The following ESPL1 variants were observed in gnomAD, a reference collection of about 807,000 sequenced individuals.
The protein encoded by ESPL1 is extra spindle pole bodies like 1, separase.
ESPL1 carries 50 observed loss-of-function variants against 217.2 expected under a neutral mutation model. That is an observed-to-expected ratio of 0.23 (90% confidence interval 0.18 to 0.29). The LOEUF is 0.29. Among genes scored for constraint, ESPL1 ranks in the 10% least tolerant of loss-of-function variants. ESPL1 has a pLI of 1.00. For synonymous variants in ESPL1, 994 were observed against 1,081.3 expected, an observed-to-expected ratio of 0.92 and a Z score of 1.58; for missense variants, 1,834 against 2,603.0, an observed-to-expected ratio of 0.70 and a Z score of 6.43.
At chr12:53,289,714 AC>A in intron 22 of ESPL1, 120 bp downstream of exon 22, 2 of 799,924 alleles carry the variant, frequency 2.5e-6, no homozygotes, top group Non-Finnish European at 3.9e-6. Context: ...CTTATGTCAT[AC>A]CTTTTCACCT....
chr12:53,285,695 A>G (rs1047281944), intron 17 of ESPL1, among the ~76,000 whole-genome samples: 2 of 151,570 alleles, frequency 1.3e-5, no homozygotes, highest in African/African-American at 2.4e-5. Flanking sequence ...GGCGACAGAG[A>G]GAGACTCCAT....
At position 53,269,757 on chromosome 12, in the gene ESPL1, T is replaced by C. The variant is rs1452802327; in HGVS notation, c.815T>C (p.Ile272Thr). Residue 272 changes from isoleucine to threonine, a missense_variant, in exon 3 of 31, where the codon ATC (isoleucine) becomes ACC (threonine). Around this residue, in one of 5 missense-constraint regions of ESPL1, gnomAD observed 746 missense variants for 1,077.0 expected, o/e 0.69. Transcript: ENST00000257934. This position sits in a 1 kb window ranked among gnomAD's most constrained non-coding sequence, Gnocchi z 6.7. ...TGGAGCCGCCACCATGACAAAGCCA[T>C]CAGCGCAGTGGAGAAGGCTCACAGT... ...FCWSRHHDKA[I>T]SAVEKAHSYL... The C allele has an allele frequency of 3.1e-6, 5 of 1,614,124 alleles. No homozygotes were observed.
chr12:53,269,888 A>C lies in ESPL1; in HGVS notation c.946A>C (p.Ile316Leu). 1 of 1,614,138 alleles carries C rather than the reference A, an allele frequency of 6.2e-7. No individual in the cohort carries two copies. Among genetic ancestry groups the C allele is most frequent in the East Asian group, 2.2e-5 (1 of 44,870 alleles). ...EGPQAVAKLL[I>L]KASAVLSKSM... is the part of the protein sequence containing the mutation. ...ACCTCAGGCAGTGGCCAAGCTTCTG[A>C]TCAAGGCATCAGCTGTCCTGAGCAA... The change falls in exon 3 of 31, where the codon ATC (isoleucine) becomes CTC (leucine). Residue 316 changes from isoleucine (I) to leucine (L), a missense_variant. Ile to Leu is a conservative substitution (Grantham distance 5). This residue lies in a region of ESPL1 where 746 missense variants were observed against 1,077.0 expected (regional missense o/e 0.69). Transcript: ENST00000257934. This position sits in a 1 kb window ranked among gnomAD's most constrained non-coding sequence, Gnocchi z 6.7.
intron 7 of ESPL1, among the ~76,000 whole-genome samples, chr12:53,276,241 C>G (rs916521615): frequency 7.9e-5 from 12 of 152,058 alleles, no homozygotes; most frequent in African/African-American, 2.7e-4. Flanking sequence ...GAAGAGAATT[C>G]CTTGCAGAGA....
intron 5 of ESPL1, among the ~76,000 whole-genome samples, chr12:53,272,045 C>T (rs1351858580): frequency 6.6e-6 from 1 of 150,608 alleles, no homozygotes; most frequent in African/African-American, 2.5e-5. Context: ...CAAGATCGTG[C>T]CACTGCTCTC....
At position 53,272,569 on chromosome 12, in the gene ESPL1, C is replaced by T. The variant is rs1181976062; in HGVS notation, c.1370-152C>T. Reference sequence around the variant, plus strand: ...CCTATTTGGGGCAGGAAGGGGAGAGCCGCCCCTTCCCCATTCCTAGCAGTA... The same window carrying T: ...CCTATTTGGGGCAGGAAGGGGAGAGTCGCCCCTTCCCCATTCCTAGCAGTA... On this transcript the variant is annotated intron_variant, in intron 5 of 30. Transcript: ENST00000257934. 4.8e-6 allele frequency: 4 copies of T among 826,748 alleles called. No homozygotes were observed. In the East Asian group the frequency reaches 7.7e-5, roughly 16 times the overall value. 51.2% of individuals were successfully genotyped at this position (826,748 alleles called of 1,614,324 possible). A position where few individuals can be genotyped will look rare whatever the true frequency, so the allele number is the denominator to read the frequency against.
Position 53,292,999 on chromosome 12 carries a change from A to C in ESPL1, c.6161+29A>C. On this transcript the variant is annotated intron_variant, in intron 30 of 30. Transcript: ENST00000257934. This position sits in a 1 kb window ranked among gnomAD's most constrained non-coding sequence, Gnocchi z 4.5. ...AGTCTCCAAGGGCAAGACCCATCCT[A>C]GGGCATTAGGACTCCTGCCCTCACC... 6.2e-7 allele frequency: 1 copy of C among 1,600,490 alleles called. No individual in the cohort carries two copies. Among genetic ancestry groups the C allele is most frequent in the African/African-American group, 1.3e-5 (1 of 74,842 alleles).
At position 53,269,980 on chromosome 12, in the gene ESPL1, C is replaced by T; in HGVS notation, c.1038C>T (p.Gly346=). ...AGAGCTGCCAGTTCTTCCTTTCAGG[C>T]CTGGAACGAGGCACCAAGAGGCGCT... ...LYESCQFFLS[G]LERGTKRRYR... Residue 346 remains glycine (G), a synonymous_variant, in exon 3 of 31, where the codon GGC becomes GGT. Transcript: ENST00000257934. This position sits in a 1 kb window ranked among gnomAD's most constrained non-coding sequence, Gnocchi z 6.7. The T allele has an allele frequency of 6.2e-7, 1 of 1,614,192 alleles. No homozygotes were observed. The highest frequency in any genetic ancestry group is 8.5e-7 in the Non-Finnish European group (1 of 1,180,032).
chr12:53,276,482 A>G (rs1943767181), intron 7 of ESPL1, 138 bp from the exon 8 acceptor site: 1 of 942,158 alleles, frequency 1.1e-6, no homozygotes, highest in Non-Finnish European at 1.5e-6. Context: ...GGAGCAATGC[A>G]ATCTGATTTA....
intron 9 of ESPL1, 65 bp downstream of exon 9, chr12:53,277,292 A>G: frequency 6.4e-7 from 1 of 1,550,606 alleles, no homozygotes. Flanking sequence ...TGGGCCCCCA[A>G]CAAGTTGGTA....
intron 6 of ESPL1, 31 bp downstream of exon 6, chr12:53,272,888 G>A: frequency 1.2e-6 from 2 of 1,610,686 alleles, no homozygotes; most frequent in African/African-American, 1.3e-5. Context: ...CAGGAAAGGA[G>A]CTTATGTGGT....
chr12:53,275,727 T>C (rs999043789), intron 7 of ESPL1, among the ~76,000 whole-genome samples: 1 of 122,592 alleles, frequency 8.2e-6, no homozygotes, highest in Non-Finnish European at 1.6e-5. Flanking sequence ...TGTCTGTTCC[T>C]TTTTTTTTTT....
Position 53,268,867 on chromosome 12 carries a change from C to T in ESPL1, c.81+20C>T, listed in dbSNP as rs1472046634. ...TTGAAGGTGGGGGTGCTGCCTGGCT[C>T]GGGATACACCTGGCTTTCCAAACTG... On this transcript the variant is annotated intron_variant, in intron 2 of 30. Transcript: ENST00000257934. 3.1e-6 allele frequency: 5 copies of T among 1,593,818 alleles called. No individual in the cohort carries two copies. The East Asian group carries it at 8.9e-5, about 29-fold the overall frequency.
Position 53,282,717 on chromosome 12 carries a change from A to G in ESPL1, c.2791+282A>G, listed in dbSNP as rs1286749442. Among the ~76,000 whole-genome samples, 1 of 152,068 alleles carries G rather than the reference A, an allele frequency of 6.6e-6. No homozygotes were observed. The highest frequency in any genetic ancestry group is 2.4e-5 in the African/African-American group (1 of 41,394). ...CACCCAGGCTGGAGTGCAATGGTGC[A>G]ATCTCAGCTCACTGCAACCTCTGCC... On this transcript the variant is annotated intron_variant, in intron 14 of 30. Transcript: ENST00000257934. The surrounding 1 kb of genome is among the most constrained non-coding windows in gnomAD (Gnocchi z 4.0).
Position 53,292,341 on chromosome 12 carries a change from C to T in ESPL1, c.5860C>T (p.Pro1954Ser). Residue 1954 changes from proline (P) to serine (S), a missense_variant, in exon 28 of 31, where the codon CCT becomes TCT. Physicochemically the swap from Pro to Ser is moderately conservative, Grantham distance 74. Transcript: ENST00000257934. This position sits in a 1 kb window ranked among gnomAD's most constrained non-coding sequence, Gnocchi z 4.5. ...DPRSTFYVLN[P>S]HNNLSSTEEQ... ...ACGAAGTACCTTCTATGTCCTGAAC[C>T]CTCACAATAACCTGTCAAGCACAGA... 1 of 1,614,048 alleles carries T rather than the reference C, an allele frequency of 6.2e-7. No homozygotes were observed. The highest frequency in any genetic ancestry group is 8.5e-7 in the Non-Finnish European group (1 of 1,180,006).
In ESPL1 at chr12:53,288,110, G is replaced by A. The variant is rs770358265; in HGVS notation, c.4315G>A (p.Val1439Met). 70 of 1,613,708 alleles carry A rather than the reference G, an allele frequency of 4.3e-5. No individual in the cohort carries two copies. The Middle Eastern group carries it at 6.8e-4, about 16-fold the overall frequency. ...GGGCCTGAGCCTAAAGACGGATGCC[G>A]TGGTTGCCCCAGGTAGTGCCCCTGG... ...RKGLSLKTDA[V>M]VAPGSAPGNP... The change falls in exon 19 of 31, where the codon GTG becomes ATG. Residue 1439 changes from valine to methionine, a missense_variant. Val to Met is a conservative substitution (Grantham distance 21). This residue lies in a region of ESPL1 where 681 missense variants were observed against 808.0 expected (regional missense o/e 0.84). Coordinates refer to ENST00000257934, the MANE Select transcript of ESPL1 (RefSeq NM_012291.5).
At position 53,289,600 on chromosome 12, in the gene ESPL1, C is replaced by T. The variant is rs776350422; in HGVS notation, c.5113+6C>T. The T allele has an allele frequency of 2.3e-5, 37 of 1,610,156 alleles. No individual in the cohort carries two copies. Among genetic ancestry groups the T allele is most frequent in the Non-Finnish European group, 2.9e-5 (34 of 1,178,176 alleles). ...CCTGGCTCTGATCCCCAGTGGTATGCGGGCAGCCTTCTGGCCGGCTCCTCT... is the reference window on the plus strand; with the variant it reads ...CCTGGCTCTGATCCCCAGTGGTATGTGGGCAGCCTTCTGGCCGGCTCCTCT... On this transcript the variant is annotated splice_donor_region_variant and intron_variant, in intron 22 of 30. Coordinates refer to ENST00000257934, the MANE Select transcript of ESPL1 (RefSeq NM_012291.5).
chr12:53,288,827 A>G, intron 20 of ESPL1, 128 bp downstream of exon 20: 1 of 720,974 alleles, frequency 1.4e-6, no homozygotes, highest in Non-Finnish European at 2.1e-6. Context: ...TTTGAACCCC[A>G]GCACTCTGTC....
In ESPL1 at chr12:53,289,102, T is replaced by C. The variant is rs1252194013; in HGVS notation, c.4721T>C (p.Leu1574Pro). 4.3e-6 allele frequency: 7 copies of C among 1,613,744 alleles called. No individual in the cohort carries two copies. The East Asian group carries it at 1.3e-4, about 31-fold the overall frequency. ...GACGTTCTTCTAGGTCTTTCTACCC[T>C]GGACTCCATCTGTGACTCCCTGAGT... ...SAPVATGLST[L>P]DSICDSLSVA... The change falls in exon 21 of 31, where the codon CTG (leucine) becomes CCG (proline). Residue 1574 changes from leucine (L) to proline (P), a missense_variant. By Grantham distance (98) the Leu-to-Pro change is moderately conservative. Coordinates refer to ENST00000257934, the MANE Select transcript of ESPL1 (RefSeq NM_012291.5).
Sources: gnomAD v4.1 joint callset for allele counts (sites outside exome capture counted in the v4.1 genomes callset) on GRCh38, gnomAD v4.1.1 for gene constraint, gnomAD v4.1.1 regional missense constraint, Gnocchi (gnomAD v3.1) non-coding constraint, MANE v1.5 for transcripts, NCBI Gene and HGNC (gene_info 2026-07-23, HGNC 2026-07-21) for gene names.